Variants in SLC25A26 observed in about 807,000 individuals in gnomAD.
SLC25A26 encodes mitochondrial S-adenosylmethionine carrier protein.
In SLC25A26, 36 loss-of-function variants were observed where a neutral mutation model predicts 37.8. The ratio of observed to expected loss-of-function variants is 0.95; its 90% CI spans 0.73 to 1.26. The LOEUF is 1.26. SLC25A26 is among the 50% of genes most tolerant of loss of function. The pLI is 0.00. For missense variants in SLC25A26, 390 were observed against 331.1 expected (o/e 1.18, Z -1.38); for synonymous variants, 129 against 122.5 (o/e 1.05, Z -0.35).
chr3:66,348,000 C>G (rs59633804), intron 6 of SLC25A26, among the ~76,000 whole-genome samples: 7,006 of 152,110 alleles, frequency 0.046, 518 homozygotes, highest in African/African-American at 0.16. Flanking sequence ...AGGAGAGCAT[C>G]AGGAAAAATA....
chr3:66,160,334 A>G (rs992650613), intron 1 of SLC25A26, among the ~76,000 whole-genome samples: 38 of 152,168 alleles, frequency 2.5e-4, no homozygotes, highest in African/African-American at 8.0e-4. Flanking sequence ...TGATTTGTCA[A>G]ATCAGTTCTG....
chr3:66,230,049 G>C (rs1248048955), intron 1 of SLC25A26, among the ~76,000 whole-genome samples: 1 of 152,144 alleles, frequency 6.6e-6, no homozygotes, highest in Non-Finnish European at 1.5e-5. Flanking sequence ...ACCAGAACAG[G>C]GACCACCAAG....
chr3:66,299,821 T>G (rs2075020025), intron 5 of SLC25A26, among the ~76,000 whole-genome samples: 1 of 152,204 alleles, frequency 6.6e-6, no homozygotes, highest in Non-Finnish European at 1.5e-5. Flanking sequence ...GCGGGTAGTT[T>G]TTGAAAAAGA....
intron 1 of SLC25A26, among the ~76,000 whole-genome samples, chr3:66,148,497 C>G (rs919946113): frequency 1.3e-5 from 2 of 152,206 alleles, no homozygotes; most frequent in African/African-American, 4.8e-5. Flanking sequence ...CTTTCTCCCT[C>G]CTAGTCTCAA....
chr3:66,228,346 T>G (rs147084198), intron 1 of SLC25A26, among the ~76,000 whole-genome samples: 3 of 152,370 alleles, frequency 2.0e-5, no homozygotes, highest in African/African-American at 7.2e-5. Flanking sequence ...TTTGATAACT[T>G]AGCTGTAAGT....
At chr3:66,137,950 C>T (rs2069972203) in intron 1 of SLC25A26, among the ~76,000 whole-genome samples, 1 of 152,162 alleles carries the variant, frequency 6.6e-6, no homozygotes, top group Admixed American at 6.5e-5. Flanking sequence ...TCTCCCACCT[C>T]AGCCTCCAGA....
At position 66,250,630 on chromosome 3, in the gene SLC25A26, G is replaced by A. The variant is rs959821779; in HGVS notation, c.300+7318G>A. Among the ~76,000 whole-genome samples the A allele has an allele frequency of 3.4e-5, 3 of 89,060 alleles. No homozygotes were observed. The East Asian group carries it at 1.0e-3, about 30-fold the overall frequency. 58.4% of individuals were successfully genotyped at this position (89,060 alleles called of 152,430 possible). ...GCAATGATGTTCCGTAGGTTGGGGGGTATCACATGCGTTTTCAACTTATGA... is the reference window on the plus strand; with the variant it reads ...GCAATGATGTTCCGTAGGTTGGGGGATATCACATGCGTTTTCAACTTATGA... On this transcript the variant is annotated intron_variant, in intron 3 of 9. Transcript: ENST00000354883.
At chr3:66,314,233 C>G (rs1302003423) in intron 5 of SLC25A26, among the ~76,000 whole-genome samples, 1 of 152,114 alleles carries the variant, frequency 6.6e-6, no homozygotes, top group Non-Finnish European at 1.5e-5. Context: ...TTTGCCCATT[C>G]AGTATGATAC....
intron 5 of SLC25A26, among the ~76,000 whole-genome samples, chr3:66,339,206 T>A (rs936905083): frequency 2.0e-5 from 3 of 152,084 alleles, no homozygotes; most frequent in Admixed American, 2.0e-4. Flanking sequence ...ATCAGGTGCT[T>A]ATGTTACTGA....
At chr3:66,139,004 C>T (rs1233494107) in intron 1 of SLC25A26, among the ~76,000 whole-genome samples, 2 of 152,062 alleles carry the variant, frequency 1.3e-5, no homozygotes, top group Admixed American at 6.6e-5. Context: ...TCAGTTGAAA[C>T]GAATTCAAAT....
intron 5 of SLC25A26, among the ~76,000 whole-genome samples, chr3:66,270,856 T>G (rs1489858779): frequency 1.3e-5 from 2 of 152,224 alleles, no homozygotes; most frequent in East Asian, 3.9e-4. Flanking sequence ...GTGCATAGTT[T>G]CTCATGTTTC....
intron 7 of SLC25A26, among the ~76,000 whole-genome samples, chr3:66,368,765 C>G (rs777687238): frequency 1.3e-5 from 2 of 152,022 alleles, no homozygotes; most frequent in Non-Finnish European, 2.9e-5. Flanking sequence ...TGCCTGTAAT[C>G]CCAACACTTT....
intron 5 of SLC25A26, among the ~76,000 whole-genome samples, chr3:66,263,967 C>A (rs1034140485): frequency 6.6e-6 from 1 of 151,832 alleles, no homozygotes; most frequent in African/African-American, 2.4e-5. Context: ...CTCCCGGCCT[C>A]TTATAGTTGA....
At chr3:66,341,631 T>C (rs377320197) in intron 5 of SLC25A26, among the ~76,000 whole-genome samples, 3 of 152,346 alleles carry the variant, frequency 2.0e-5, no homozygotes, top group East Asian at 3.9e-4. Flanking sequence ...CACACTCATC[T>C]GCTTTTCTCT....
chr3:66,310,915 G>A (rs538107910), intron 5 of SLC25A26, among the ~76,000 whole-genome samples: 2 of 152,130 alleles, frequency 1.3e-5, no homozygotes, highest in Non-Finnish European at 2.9e-5. Flanking sequence ...CTCTCCGGCT[G>A]CCCTTAACAT....
chr3:66,273,146 C>T (rs1290268088), intron 5 of SLC25A26, among the ~76,000 whole-genome samples: 1 of 152,136 alleles, frequency 6.6e-6, no homozygotes, highest in African/African-American at 2.4e-5. Context: ...ATGAAGCCCA[C>T]TTGATCATGG....
intron 1 of SLC25A26, among the ~76,000 whole-genome samples, chr3:66,159,266 C>A (rs2070324505): frequency 1.3e-5 from 2 of 152,288 alleles, no homozygotes; most frequent in Admixed American, 1.3e-4. Flanking sequence ...TTATTTGTTC[C>A]TTCTAGGGAA....
At chr3:66,330,892 T>A (rs1227849681) in intron 5 of SLC25A26, among the ~76,000 whole-genome samples, 1 of 152,194 alleles carries the variant, frequency 6.6e-6, no homozygotes, top group South Asian at 2.1e-4. Context: ...TATAGCTGTT[T>A]GTCCTTCAAG....
intron 5 of SLC25A26, among the ~76,000 whole-genome samples, chr3:66,343,158 G>A (rs543651663): frequency 6.6e-6 from 1 of 152,164 alleles, no homozygotes; most frequent in Non-Finnish European, 1.5e-5. Flanking sequence ...ACGGGCCCAC[G>A]TTCTGTAGAC....
Sources: gnomAD v4.1 joint callset for allele counts (sites outside exome capture counted in the v4.1 genomes callset) on GRCh38, gnomAD v4.1.1 for gene constraint, MANE v1.5 for transcripts, NCBI Gene and HGNC (gene_info 2026-07-23, HGNC 2026-07-21) for gene names.